Variants in DOCK3 observed in about 807,000 individuals in gnomAD.
DOCK3 encodes dedicator of cytokinesis 3, also known as dedicator of cytokinesis protein 3.
DOCK3 carries 60 observed loss-of-function variants against 265.6 expected under a neutral mutation model. That is an observed-to-expected ratio of 0.23 (90% CI 0.18 to 0.28). The LOEUF is 0.28. Among genes scored for constraint, DOCK3 ranks in the 10% least tolerant of loss-of-function variants. DOCK3 has a pLI of 1.00. For synonymous variants in DOCK3, 881 were observed against 938.0 expected (o/e 0.94, Z 1.11); for missense variants, 1,981 against 2,594.3 (o/e 0.76, Z 5.14).
Position 51,214,167 on chromosome 3 carries a change from T to C in DOCK3, c.1172T>C (p.Ile391Thr), listed in dbSNP as rs1305267011. 2.5e-6 allele frequency: 4 copies of C among 1,613,848 alleles called. No individual in the cohort carries two copies. The highest frequency in any genetic ancestry group is 3.4e-6 in the Non-Finnish European group (4 of 1,179,838). ...CTTCTTCGTGGAGACATGGAACAGA[T>C]TCGGAGAGAAAATCCCATGATATTT... ...LQLLRGDMEQ[I>T]RRENPMIFNR... The change falls in exon 14 of 53, where the codon ATT becomes ACT. Residue 391 changes from isoleucine (I) to threonine (T), a missense_variant. Physicochemically the swap from Ile to Thr is moderately conservative, Grantham distance 89. Around this residue, in one of 4 missense-constraint regions of DOCK3, gnomAD observed 456 missense variants for 539.0 expected, o/e 0.85. Transcript: ENST00000266037.
rs151085253 is a variant in DOCK3, at chr3:51,043,222, T to C, written c.316-21226T>C. 7.3e-3 allele frequency among the ~76,000 whole-genome samples: 1,113 copies of C among 152,294 alleles called. 7 individuals carry two copies. Among genetic ancestry groups the C allele is most frequent in the African/African-American group, 0.01 (431 of 41,578 alleles). ...TACAGTAACCAAAGCAGCATGGTAC[T>C]GGTACAAGAACAGACACACAGACCA... On this transcript the variant is annotated intron_variant, in intron 5 of 52. Transcript: ENST00000266037.
chr3:51,051,287 TAGAG>T (rs1466591300), intron 5 of DOCK3, among the ~76,000 whole-genome samples: 2 of 152,210 alleles, frequency 1.3e-5, no homozygotes, highest in African/African-American at 4.8e-5. Context: ...TATTTATTAT[TAGAG>T]AGGTGCACGT....
At chr3:51,349,198 CAAG>C (rs1439862680) in intron 39 of DOCK3, among the ~76,000 whole-genome samples, 1 of 152,136 alleles carries the variant, frequency 6.6e-6, no homozygotes, top group Non-Finnish European at 1.5e-5. Context: ...ATGGTGGTTT[CAAG>C]AAGGAGGTGG....
chr3:51,270,844 C>G lies in DOCK3; in HGVS notation c.2385C>G (p.Ile795Met). Residue 795 changes from isoleucine (I) to methionine (M), a missense_variant, in exon 24 of 53, where the codon ATC becomes ATG. Coordinates refer to ENST00000266037, the MANE Select transcript of DOCK3 (RefSeq NM_004947.5). ...CACTCCTCAATTCTTTCCCAACCAT[C>G]TTTGATGAGCTTCTGCAAATGTTCA... ...QAALLNSFPT[I>M]FDELLQMFTV... 5 of 1,613,940 alleles carry G rather than the reference C, an allele frequency of 3.1e-6. No individual in the cohort carries two copies. The highest frequency in any genetic ancestry group is 4.2e-6 in the Non-Finnish European group (5 of 1,179,864).
intron 9 of DOCK3, among the ~76,000 whole-genome samples, chr3:51,143,453 A>G (rs2085158534): frequency 6.6e-6 from 1 of 151,556 alleles, no homozygotes; most frequent in Non-Finnish European, 1.5e-5. Context: ...TATTTTTAGT[A>G]GAGACAGGGT....
At chr3:51,118,162 T>C (rs921103349) in intron 9 of DOCK3, among the ~76,000 whole-genome samples, 1 of 152,236 alleles carries the variant, frequency 6.6e-6, no homozygotes, top group East Asian at 1.9e-4. Context: ...ATTGTATCTT[T>C]GTTCTCATTG....
intron 27 of DOCK3, among the ~76,000 whole-genome samples, chr3:51,286,677 A>G (rs1360269656): frequency 1.3e-5 from 2 of 152,142 alleles, no homozygotes; most frequent in Non-Finnish European, 2.9e-5. Context: ...TACCTACAAC[A>G]ATCTCATTTA....
At chr3:51,346,652 C>G (rs1019766184) in intron 38 of DOCK3, among the ~76,000 whole-genome samples, 2 of 151,994 alleles carry the variant, frequency 1.3e-5, no homozygotes, top group African/African-American at 4.8e-5. Context: ...GGGTATATAC[C>G]CAGTAATGAG....
intron 12 of DOCK3, among the ~76,000 whole-genome samples, chr3:51,200,593 A>G (rs1241564062): frequency 6.6e-6 from 1 of 151,912 alleles, no homozygotes; most frequent in African/African-American, 2.4e-5. Flanking sequence ...GCGGGAAAAC[A>G]CTCTGCAGAA....
intron 7 of DOCK3, among the ~76,000 whole-genome samples, chr3:51,088,672 A>G (rs186166749): frequency 2.5e-4 from 38 of 152,352 alleles, no homozygotes; most frequent in African/African-American, 7.9e-4. Flanking sequence ...TTTGTAAGGA[A>G]GATAATACAG....
chr3:50,800,499 C>T (rs1483508164), intron 2 of DOCK3, among the ~76,000 whole-genome samples: 2 of 151,978 alleles, frequency 1.3e-5, no homozygotes, highest in Non-Finnish European at 2.9e-5. Context: ...ACCAATGAGC[C>T]TTTGTATTTC....
chr3:50,904,632 G>C (rs1218602753), intron 4 of DOCK3, among the ~76,000 whole-genome samples: 1 of 151,186 alleles, frequency 6.6e-6, no homozygotes, highest in African/African-American at 2.4e-5. Flanking sequence ...TAAATTTGTA[G>C]ATTCTTTTTA....
intron 27 of DOCK3, among the ~76,000 whole-genome samples, chr3:51,297,794 A>ATAAT (rs1553844777): frequency 1.4e-4 from 21 of 148,896 alleles, no homozygotes; most frequent in Admixed American, 4.0e-4. Flanking sequence ...AATAATAATA[A>ATAAT]TTTTTTTTTA....
intron 1 of DOCK3, among the ~76,000 whole-genome samples, chr3:50,737,186 G>T (rs2038691143): frequency 6.6e-6 from 1 of 152,082 alleles, no homozygotes; most frequent in Non-Finnish European, 1.5e-5. Flanking sequence ...TCTTTGCTGT[G>T]CAGAAGCTCT....
At chr3:51,289,074 A>T (rs1016128572) in intron 27 of DOCK3, among the ~76,000 whole-genome samples, 4 of 152,132 alleles carry the variant, frequency 2.6e-5, no homozygotes, top group Non-Finnish European at 4.4e-5. Flanking sequence ...AGGTTATTTA[A>T]AAAAAGAACG....
chr3:50,803,282 G>C (rs980153514), intron 2 of DOCK3, among the ~76,000 whole-genome samples: 4 of 151,978 alleles, frequency 2.6e-5, no homozygotes, highest in African/African-American at 9.7e-5. Context: ...GACTCTTAAC[G>C]AGCATGCTGC....
At chr3:51,092,977 T>A (rs1219042596) in intron 9 of DOCK3, among the ~76,000 whole-genome samples, 1 of 152,212 alleles carries the variant, frequency 6.6e-6, no homozygotes, top group Non-Finnish European at 1.5e-5. Flanking sequence ...TTGTCAAAGA[T>A]CAAATGGTTG....
At chr3:50,966,167 G>A (rs1385777034) in intron 5 of DOCK3, among the ~76,000 whole-genome samples, 2 of 151,974 alleles carry the variant, frequency 1.3e-5, no homozygotes, top group Non-Finnish European at 2.9e-5. Flanking sequence ...TCTTCGTTGT[G>A]ATTGAATAAA....
chr3:50,737,781 C>T (rs2038738301), intron 1 of DOCK3, among the ~76,000 whole-genome samples: 2 of 152,084 alleles, frequency 1.3e-5, no homozygotes, highest in South Asian at 4.1e-4. Context: ...CTTTGTTGGA[C>T]TTTTTATTTA....
Sources: gnomAD v4.1 joint callset for allele counts (sites outside exome capture counted in the v4.1 genomes callset) on GRCh38, gnomAD v4.1.1 for gene constraint, gnomAD v4.1.1 regional missense constraint, MANE v1.5 for transcripts, NCBI Gene and HGNC (gene_info 2026-07-23, HGNC 2026-07-21) for gene names.